The following FUT8 variants were observed in gnomAD, a reference collection of about 807,000 sequenced individuals.
FUT8 encodes alpha-(1,6)-fucosyltransferase.
A neutral mutation model predicts 71.3 loss-of-function variants in FUT8; 29 were observed. The observed-to-expected ratio is 0.41, with a 90% confidence interval of 0.30 to 0.55. The LOEUF is 0.55. Ranked by LOEUF, FUT8 falls within the 20% of genes least tolerant of loss-of-function variation. FUT8 has a pLI of 0.34. For missense variants in FUT8, 544 were observed against 702.1 expected (o/e 0.77, Z 2.55); for synonymous variants, 254 against 239.3 (o/e 1.06, Z -0.57).
At chr14:65,448,565 C>G (rs2065777152) in intron 1 of FUT8, among the ~76,000 whole-genome samples, 1 of 152,088 alleles carries the variant, frequency 6.6e-6, no homozygotes. Flanking sequence ...TGAGTAGAAA[C>G]TATTAAATAT....
chr14:65,514,672 TAGTC>T (rs1292312978), intron 2 of FUT8, among the ~76,000 whole-genome samples: 7 of 152,152 alleles, frequency 4.6e-5, no homozygotes, highest in Non-Finnish European at 1.0e-4. Flanking sequence ...ATACAAAACT[TAGTC>T]AAGTCAAATC....
chr14:65,371,500 AC>A, the FUT8 span, among the ~76,000 whole-genome samples: 36 of 152,216 alleles, frequency 2.4e-4, no homozygotes, highest in Admixed American at 2.3e-3. Context: ...GACTTACATG[AC>A]CTTGGCACTT....
chr14:65,490,807 G>A (rs374349606), intron 2 of FUT8, among the ~76,000 whole-genome samples: 1 of 152,046 alleles, frequency 6.6e-6, no homozygotes, highest in Non-Finnish European at 1.5e-5. Context: ...AAAAAGCAAG[G>A]TTTAGAGCCT....
At chr14:65,693,526 C>A (rs992360783) in intron 7 of FUT8, among the ~76,000 whole-genome samples, 1 of 151,838 alleles carries the variant, frequency 6.6e-6, no homozygotes, top group Admixed American at 6.6e-5. Context: ...AGAGGGAGAC[C>A]GTGGGGAGAG....
chr14:65,564,719 A>G (rs1886097124), intron 3 of FUT8, among the ~76,000 whole-genome samples: 1 of 151,912 alleles, frequency 6.6e-6, no homozygotes, highest in Non-Finnish European at 1.5e-5. Context: ...AACTGATCTG[A>G]TTTCTGTCAC....
intron 6 of FUT8, among the ~76,000 whole-genome samples, chr14:65,666,626 C>T (rs1452750737): frequency 2.6e-5 from 4 of 152,072 alleles, no homozygotes; most frequent in African/African-American, 9.7e-5. Flanking sequence ...CCTACTGAAA[C>T]TATTCCAAAA....
intron 3 of FUT8, among the ~76,000 whole-genome samples, chr14:65,590,842 TCTCCCTGGATAAAATTCTCCATGG>T (rs1489469485): frequency 9.9e-5 from 15 of 152,284 alleles, no homozygotes; most frequent in African/African-American, 3.4e-4. Context: ...TGGCACTCCA[TCTCCCTGGATAAAATTCTCCATGG>T]GGAAAATAGG....
At chr14:65,536,392 G>T (rs552999155) in intron 2 of FUT8, among the ~76,000 whole-genome samples, 1 of 152,284 alleles carries the variant, frequency 6.6e-6, no homozygotes, top group Admixed American at 6.5e-5. Context: ...GGTTGCTAAT[G>T]GTCTTTCCTT....
chr14:65,618,654 T>G (rs145910342), intron 5 of FUT8, among the ~76,000 whole-genome samples: 1 of 152,222 alleles, frequency 6.6e-6, no homozygotes, highest in African/African-American at 2.4e-5. Flanking sequence ...ATATACCCTT[T>G]TACTGACCAT....
At chr14:65,725,492 A>C (rs1895633676) in intron 9 of FUT8, among the ~76,000 whole-genome samples, 1 of 152,212 alleles carries the variant, frequency 6.6e-6, no homozygotes. Context: ...GATGTATTAA[A>C]TGTATGTAAA....
At chr14:65,448,994 C>T in intron 1 of FUT8, among the ~76,000 whole-genome samples, 1 of 152,084 alleles carries the variant, frequency 6.6e-6, no homozygotes, top group East Asian at 1.9e-4. Flanking sequence ...GCATATTAGT[C>T]TGGTTTGAGA....
rs1326330828 is a variant in FUT8 at position 65,550,245 on chromosome 14, A to T, written c.-227-11092A>T. Among the ~76,000 whole-genome samples, 3 of 152,032 alleles carry T rather than the reference A, an allele frequency of 2.0e-5. No homozygotes were observed. Among genetic ancestry groups the T allele is most frequent in the African/African-American group, 7.2e-5 (3 of 41,386 alleles). On this transcript the variant is annotated intron_variant, in intron 2 of 10. Transcript: ENST00000673929. This position sits in a 1 kb window ranked among gnomAD's most constrained non-coding sequence, Gnocchi z 4.5. The stretch of plus-strand genomic sequence containing the variant: ...GGGTGCAAGAGAGAGAAGGGAGGAG[A>T]TACCAGGCTCTTTTTAACAAGATCA...
At chr14:65,512,907 C>CAAAAAAA (rs35280167) in intron 2 of FUT8, among the ~76,000 whole-genome samples, 4 of 83,956 alleles carry the variant, frequency 4.8e-5, no homozygotes, top group Admixed American at 1.3e-4. Context: ...GACTCTGTCT[C>CAAAAAAA]AAAAAAAAAA....
chr14:65,586,539 A>C (rs1887394360), intron 3 of FUT8, among the ~76,000 whole-genome samples: 1 of 152,234 alleles, frequency 6.6e-6, no homozygotes, highest in Non-Finnish European at 1.5e-5. Flanking sequence ...TTTGGAATCT[A>C]ATGTATTTGA....
At chr14:65,389,452 C>T in the FUT8 span, among the ~76,000 whole-genome samples, 2 of 151,756 alleles carry the variant, frequency 1.3e-5, no homozygotes, top group Non-Finnish European at 2.9e-5. Flanking sequence ...GCTGGGATTA[C>T]AGGCACTTGC....
intron 1 of FUT8, among the ~76,000 whole-genome samples, chr14:65,435,066 T>A (rs2065534465): frequency 6.6e-6 from 1 of 152,168 alleles, no homozygotes; most frequent in African/African-American, 2.4e-5. Context: ...TACACAGTTG[T>A]CACTCCTTAT....
chr14:65,692,271 G>A (rs1466353315), intron 7 of FUT8, among the ~76,000 whole-genome samples: 1 of 151,340 alleles, frequency 6.6e-6, no homozygotes, highest in African/African-American at 2.4e-5. Flanking sequence ...CGGCTGGCCG[G>A]GCAGAGGGGC....
chr14:65,693,405 G>C (rs929425858), intron 7 of FUT8, among the ~76,000 whole-genome samples: 23 of 152,218 alleles, frequency 1.5e-4, no homozygotes, highest in Non-Finnish European at 3.1e-4. Flanking sequence ...CACTCGGCAG[G>C]CTGAGGCAGG....
chr14:65,503,362 TCC>T (rs2139779746), intron 2 of FUT8, among the ~76,000 whole-genome samples: 1 of 152,344 alleles, frequency 6.6e-6, no homozygotes, highest in African/African-American at 2.4e-5. Flanking sequence ...TATTGATTGT[TCC>T]TGATGATAGG....
Sources: allele counts gnomAD v4.1 joint callset (sites outside exome capture counted in the v4.1 genomes callset), GRCh38; gene constraint gnomAD v4.1.1; non-coding constraint Gnocchi (gnomAD v3.1); transcripts MANE v1.5; gene names NCBI Gene and HGNC (gene_info 2026-07-23, HGNC 2026-07-21).